The following LRRC4C variants were observed in gnomAD, a reference collection of about 807,000 sequenced individuals.
The protein encoded by LRRC4C is leucine rich repeat containing 4C, also known as leucine-rich repeat-containing protein 4C.
A neutral mutation model predicts 33.6 loss-of-function variants in LRRC4C; 5 were observed. That is an observed-to-expected ratio of 0.15 (90% CI 0.08 to 0.31). The LOEUF is 0.31. Among genes scored for constraint, LRRC4C ranks in the 10% least tolerant of loss-of-function variants. The pLI is 1.00. For missense variants in LRRC4C, 560 were observed against 796.7 expected (o/e 0.70, Z 3.58); for synonymous variants, 329 against 302.0 (o/e 1.09, Z -0.93).
chr11:40,379,183 C>A (rs1473659953), intron 3 of LRRC4C, among the ~76,000 whole-genome samples: 1 of 152,042 alleles, frequency 6.6e-6, no homozygotes, highest in Non-Finnish European at 1.5e-5. Context: ...GAGATCCTAA[C>A]ACAAAGTTTG....
intron 1 of LRRC4C, among the ~76,000 whole-genome samples, chr11:41,035,917 A>T (rs1212009767): frequency 2.6e-5 from 4 of 152,172 alleles, no homozygotes; most frequent in Non-Finnish European, 5.9e-5. Context: ...AAGAGAAATG[A>T]TAGAAAATTA....
chr11:40,841,411 C>T (rs1952906544), intron 2 of LRRC4C, among the ~76,000 whole-genome samples: 1 of 152,154 alleles, frequency 6.6e-6, no homozygotes, highest in Non-Finnish European at 1.5e-5. Flanking sequence ...ATTGCTGTTG[C>T]ATTTGGAGAT....
At chr11:41,443,354 A>G (rs1397307756) in intron 1 of LRRC4C, among the ~76,000 whole-genome samples, 3 of 151,932 alleles carry the variant, frequency 2.0e-5, no homozygotes, top group Non-Finnish European at 2.9e-5. Context: ...CTGAAATCCA[A>G]AAAATTTAGC....
intron 3 of LRRC4C, among the ~76,000 whole-genome samples, chr11:40,461,530 T>C (rs914733140): frequency 6.6e-6 from 1 of 152,030 alleles, no homozygotes; most frequent in African/African-American, 2.4e-5. Context: ...TGACACATAC[T>C]CAGTGCTCAG....
chr11:41,214,599 A>AAAAAAAAAAAAAAAAAAAAAAAAAAC (rs1946963614), intron 1 of LRRC4C, among the ~76,000 whole-genome samples: 1 of 145,024 alleles, frequency 6.9e-6, no homozygotes, highest in African/African-American at 2.6e-5. Flanking sequence ...AAAAAAAAAA[A>AAAAAAAAAAAAAAAAAAAAAAAAAAC]ATTAGCCGGG....
chr11:40,623,824 T>C (rs1055550562), intron 3 of LRRC4C, among the ~76,000 whole-genome samples: 7 of 152,094 alleles, frequency 4.6e-5, no homozygotes, highest in Middle Eastern at 3.2e-3. Flanking sequence ...TTTCCAACAA[T>C]AGCTTTGGAA....
intron 1 of LRRC4C, among the ~76,000 whole-genome samples, chr11:41,148,229 A>T (rs1369375915): frequency 1.3e-5 from 2 of 151,796 alleles, no homozygotes; most frequent in African/African-American, 4.8e-5. Context: ...GTTAGCAAGG[A>T]TGATCTCGAT....
intron 1 of LRRC4C, among the ~76,000 whole-genome samples, chr11:41,081,120 T>C (rs966134830): frequency 1.3e-5 from 2 of 152,184 alleles, no homozygotes; most frequent in African/African-American, 4.8e-5. Flanking sequence ...ACCTGAGTTA[T>C]TATAATTGTC....
intron 1 of LRRC4C, among the ~76,000 whole-genome samples, chr11:41,275,166 G>A (rs1480625117): frequency 6.6e-6 from 1 of 152,140 alleles, no homozygotes; most frequent in Non-Finnish European, 1.5e-5. Context: ...CTTACAAGAA[G>A]CCGAGCAGGC....
rs573224037 is a variant in LRRC4C, at chr11:40,777,686, ATT to A, written c.-406-129410_-406-129409del. Among the ~76,000 whole-genome samples the A allele has an allele frequency of 1.2e-4, 18 of 149,192 alleles. No individual in the cohort carries two copies. In the South Asian group the frequency reaches 3.8e-3, roughly 32 times the overall value. On this transcript the variant is annotated intron_variant, in intron 2 of 6. Coordinates refer to ENST00000528697, the MANE Select transcript of LRRC4C (RefSeq NM_001258419.2). ...GCAGACAAATGGATCTTGATTTTTT[ATT>A]TTTTTTATTTTTTTTTTGAGATGGA... is the stretch of plus-strand genomic sequence containing the variant.
chr11:41,428,360 TA>T, intron 1 of LRRC4C, among the ~76,000 whole-genome samples: 1 of 152,236 alleles, frequency 6.6e-6, no homozygotes, highest in Non-Finnish European at 1.5e-5. Context: ...GAGTCTTATT[TA>T]AACAACCAAG....
At chr11:41,138,130 C>T (rs186152473) in intron 1 of LRRC4C, among the ~76,000 whole-genome samples, 15 of 152,334 alleles carry the variant, frequency 9.8e-5, no homozygotes, top group African/African-American at 2.9e-4. Flanking sequence ...GTTGAAAGAA[C>T]TACTACTAGT....
chr11:41,242,569 T>A (rs1948295341), intron 1 of LRRC4C, among the ~76,000 whole-genome samples: 1 of 152,160 alleles, frequency 6.6e-6, no homozygotes, highest in South Asian at 2.1e-4. Context: ...AACAAAGTAA[T>A]TATAAATTAA....
rs182442620 is a variant in LRRC4C at position 40,796,735 on chromosome 11, C to T, written c.-407+136900G>A. Among the ~76,000 whole-genome samples the T allele has an allele frequency of 3.3e-3, 492 of 150,648 alleles. 4 individuals carry two copies. Among genetic ancestry groups the T allele is most frequent in the Non-Finnish European group, 5.4e-3 (369 of 67,834 alleles). On this transcript the variant is annotated intron_variant, in intron 2 of 6. Transcript: ENST00000528697. Reference sequence around the variant, plus strand: ...GACCTTGGCTCACTGTAACCTCTGCCTCCTGGGTTCAACCGACTCTCCTGC... The same window carrying T: ...GACCTTGGCTCACTGTAACCTCTGCTTCCTGGGTTCAACCGACTCTCCTGC...
chr11:41,118,464 G>A (rs1942252973), intron 1 of LRRC4C, among the ~76,000 whole-genome samples: 1 of 152,168 alleles, frequency 6.6e-6, no homozygotes, highest in Admixed American at 6.5e-5. Context: ...TCTTACACAA[G>A]CCAAAAGCTT....
chr11:40,970,878 T>A (rs1851681936), intron 1 of LRRC4C, among the ~76,000 whole-genome samples: 1 of 152,316 alleles, frequency 6.6e-6, no homozygotes, highest in South Asian at 2.1e-4. Context: ...TCTAGAGATC[T>A]ATGGAAATTT....
At chr11:40,978,140 G>T (rs978220848) in intron 1 of LRRC4C, among the ~76,000 whole-genome samples, 3 of 151,870 alleles carry the variant, frequency 2.0e-5, no homozygotes, top group African/African-American at 7.3e-5. Context: ...ATTTATTATT[G>T]CATTAGGCTC....
rs1349501582 is a variant in LRRC4C at position 40,651,688 on chromosome 11, T to C, written c.-406-3410A>G. On this transcript the variant is annotated intron_variant, in intron 2 of 6. Transcript: ENST00000528697. ...AGAAGGTGATTCCATGGAAGAAATC[T>C]ACAGAATTTACAACTCTGCAAATTG... is the stretch of plus-strand genomic sequence containing the variant. 2.0e-5 allele frequency among the ~76,000 whole-genome samples: 3 copies of C among 152,180 alleles called. No individual in the cohort carries two copies. The East Asian group carries it at 5.8e-4, about 29-fold the overall frequency.
chr11:41,217,307 G>C (rs1034051281), intron 1 of LRRC4C, among the ~76,000 whole-genome samples: 1 of 152,056 alleles, frequency 6.6e-6, no homozygotes, highest in Non-Finnish European at 1.5e-5. Flanking sequence ...AAAATACATA[G>C]AAGCTTCAAT....
Sources: gnomAD v4.1 joint callset for allele counts (sites outside exome capture counted in the v4.1 genomes callset) on GRCh38, gnomAD v4.1.1 for gene constraint, MANE v1.5 for transcripts, NCBI Gene and HGNC (gene_info 2026-07-23, HGNC 2026-07-21) for gene names.